The following FOXP1 variants were observed in gnomAD, a reference collection of about 807,000 sequenced individuals.
The protein encoded by FOXP1 is forkhead box protein P1.
FOXP1 carries 15 observed loss-of-function variants against 98.2 expected under a neutral mutation model. That is an observed-to-expected ratio of 0.15 (90% CI 0.10 to 0.24). FOXP1 has a LOEUF of 0.24. Among genes scored for constraint, FOXP1 ranks in the 10% least tolerant of loss-of-function variants. The probability of loss-of-function intolerance (pLI) is 1.00; values close to 1 mark genes in which losing one functional copy is unlikely to be tolerated. For synonymous variants in FOXP1, 371 were observed against 314.5 expected (o/e 1.18, Z -1.90); for missense variants, 633 against 848.5 (o/e 0.75, Z 3.15).
chr3:71,033,602 C>CAGAAA (rs2047167228), intron 11 of FOXP1, among the ~76,000 whole-genome samples: 1 of 70,640 alleles, frequency 1.4e-5, no homozygotes, highest in Non-Finnish European at 3.6e-5. Flanking sequence ...AGTGAACAGT[C>CAGAAA]AAAAAAAAAA....
intron 2 of FOXP1, among the ~76,000 whole-genome samples, chr3:71,525,019 C>A (rs1293238450): frequency 6.6e-6 from 1 of 152,176 alleles, no homozygotes; most frequent in Non-Finnish European, 1.5e-5. Flanking sequence ...AGAATTAAAG[C>A]CCCCATGATT....
At chr3:71,191,936 A>G (rs1236497403) in intron 6 of FOXP1, among the ~76,000 whole-genome samples, 1 of 152,240 alleles carries the variant, frequency 6.6e-6, no homozygotes, top group African/African-American at 2.4e-5. Flanking sequence ...GGTCTTCAAT[A>G]AAAGTGTATC....
chr3:71,012,862 A>G (rs940099101), intron 12 of FOXP1, among the ~76,000 whole-genome samples: 1 of 152,168 alleles, frequency 6.6e-6, no homozygotes, highest in Non-Finnish European at 1.5e-5. Context: ...CCAGATGTAT[A>G]CATGGGCATA....
intron 3 of FOXP1, among the ~76,000 whole-genome samples, chr3:71,375,306 C>A (rs960610489): frequency 6.6e-6 from 1 of 152,160 alleles, no homozygotes; most frequent in Non-Finnish European, 1.5e-5. Context: ...CTTAATTCTT[C>A]CACTCAGATA....
At chr3:71,021,548 T>C (rs896232320) in intron 11 of FOXP1, among the ~76,000 whole-genome samples, 13 of 152,196 alleles carry the variant, frequency 8.5e-5, no homozygotes, top group Non-Finnish European at 1.5e-4. Context: ...TTAGGGGATA[T>C]CTACCTAGAA....
intron 6 of FOXP1, among the ~76,000 whole-genome samples, chr3:71,178,449 A>G (rs1470701309): frequency 6.6e-6 from 1 of 151,958 alleles, no homozygotes; most frequent in Non-Finnish European, 1.5e-5. Flanking sequence ...TTTCTAACCC[A>G]TAAACATCTT....
intron 5 of FOXP1, among the ~76,000 whole-genome samples, chr3:71,230,114 T>TGG (rs1325181767): frequency 4.1e-5 from 1 of 24,604 alleles, no homozygotes. Flanking sequence ...CAGACACCAC[T>TGG]GGGGAGGGGT....
At chr3:71,045,407 A>G (rs1170255500) in intron 10 of FOXP1, among the ~76,000 whole-genome samples, 1 of 152,190 alleles carries the variant, frequency 6.6e-6, no homozygotes, top group Admixed American at 6.6e-5. Context: ...CTTAGTGAGC[A>G]AACTTGATGA....
intron 2 of FOXP1, among the ~76,000 whole-genome samples, chr3:71,509,555 G>C (rs1468194815): frequency 6.6e-6 from 1 of 152,064 alleles, no homozygotes; most frequent in Non-Finnish European, 1.5e-5. Flanking sequence ...ATACATCATG[G>C]GGGGAGGACA....
intron 19 of FOXP1, chr3:70,969,344 A>G (rs1221449183): frequency 2.0e-5 from 3 of 152,208 alleles, no homozygotes; most frequent in African/African-American, 4.8e-5. Context: ...AGAAACGCAG[A>G]AAGTAGTTTC....
At chr3:71,240,688 CGTG>C (rs2067191588) in intron 5 of FOXP1, among the ~76,000 whole-genome samples, 1 of 151,558 alleles carries the variant, frequency 6.6e-6, no homozygotes, top group Non-Finnish European at 1.5e-5. Flanking sequence ...ATTACAGGCG[CGTG>C]CCACCATGCC....
chr3:70,982,992 C>T (rs1231831254), intron 14 of FOXP1, among the ~76,000 whole-genome samples: 1 of 152,196 alleles, frequency 6.6e-6, no homozygotes, highest in Non-Finnish European at 1.5e-5. Context: ...GTTTTACTGG[C>T]CTGAGCCAGC....
chr3:71,575,915 G>T (rs920909430), intron 2 of FOXP1, among the ~76,000 whole-genome samples: 5 of 152,246 alleles, frequency 3.3e-5, no homozygotes, highest in Admixed American at 1.3e-4. Context: ...ATTCTTCAGT[G>T]TCCTAGTAAA....
chr3:71,382,847 G>A (rs1560403282), intron 3 of FOXP1, among the ~76,000 whole-genome samples: 3 of 152,070 alleles, frequency 2.0e-5, no homozygotes, highest in African/African-American at 7.2e-5. Context: ...ATCCTTTGAC[G>A]GCATCTTCTA....
At chr3:71,058,749 T>C (rs958376457) in intron 7 of FOXP1, among the ~76,000 whole-genome samples, 1 of 152,048 alleles carries the variant, frequency 6.6e-6, no homozygotes, top group East Asian at 1.9e-4. Flanking sequence ...ACAGATGTAT[T>C]GGCAAACAGA....
In FOXP1 at chr3:71,583,713, G is replaced by C. The variant is rs1214622601; in HGVS notation, c.-589C>G. The C allele has an allele frequency of 1.7e-5, 17 of 984,880 alleles. No individual in the cohort carries two copies. Among genetic ancestry groups the C allele is most frequent in the Non-Finnish European group, 1.9e-5 (16 of 829,854 alleles). 61.0% of individuals were successfully genotyped at this position (984,880 alleles called of 1,614,324 possible). On this transcript the variant is annotated 5_prime_UTR_variant, in exon 1 of 21. Transcript: ENST00000649528. ...ACACACGCACTCCCGGGCGAGGGCCGGGCCGCCGCGAGTACAGCGTGCAAC... is the reference window on the plus strand; with the variant it reads ...ACACACGCACTCCCGGGCGAGGGCCCGGCCGCCGCGAGTACAGCGTGCAAC...
At chr3:71,137,444 A>G (rs1463689348) in intron 6 of FOXP1, among the ~76,000 whole-genome samples, 1 of 152,200 alleles carries the variant, frequency 6.6e-6, no homozygotes, top group Non-Finnish European at 1.5e-5. Context: ...AATCTTAACC[A>G]GTGAGATGGG....
intron 11 of FOXP1, among the ~76,000 whole-genome samples, chr3:71,035,368 G>A (rs1454491938): frequency 1.3e-5 from 2 of 152,212 alleles, no homozygotes; most frequent in Non-Finnish European, 2.9e-5. Flanking sequence ...TCAGGGGTCA[G>A]CAACTGTTTC....
intron 4 of FOXP1, among the ~76,000 whole-genome samples, chr3:71,324,980 A>G (rs2075600095): frequency 6.6e-6 from 1 of 152,020 alleles, no homozygotes; most frequent in Non-Finnish European, 1.5e-5. Context: ...CCATTTGGGA[A>G]TGTGGACCCA....
Sources: gnomAD v4.1 joint callset for allele counts (sites outside exome capture counted in the v4.1 genomes callset) on GRCh38, gnomAD v4.1.1 for gene constraint, MANE v1.5 for transcripts, NCBI Gene and HGNC (gene_info 2026-07-23, HGNC 2026-07-21) for gene names.